The following MYCBP2 variants were observed in gnomAD, a reference collection of about 807,000 sequenced individuals.
MYCBP2 encodes E3 ubiquitin-protein ligase MYCBP2.
MYCBP2 carries 120 observed loss-of-function variants against 525.3 expected under a neutral mutation model. The ratio of observed to expected loss-of-function variants is 0.23; its 90% CI spans 0.20 to 0.27. The LOEUF (loss-of-function observed/expected upper bound fraction) is 0.27. Among genes scored for constraint, MYCBP2 ranks in the 10% least tolerant of loss-of-function variants. The pLI, the probability that MYCBP2 is intolerant of heterozygous loss-of-function variation, is 1.00. For missense variants in MYCBP2, 4,149 were observed against 5,657.1 expected (o/e 0.73, Z 8.55); for synonymous variants, 1,894 against 1,955.8 (o/e 0.97, Z 0.83).
chr13:77,257,030 A>G (rs896148966), intron 14 of MYCBP2, among the ~76,000 whole-genome samples: 2 of 152,180 alleles, frequency 1.3e-5, no homozygotes, highest in African/African-American at 4.8e-5. Flanking sequence ...GCATATAAAC[A>G]CAAGGTAGTA....
chr13:77,110,915 A>G (rs2039873), intron 55 of MYCBP2, among the ~76,000 whole-genome samples: 3,379 of 152,288 alleles, frequency 0.022, 58 homozygotes, highest in Middle Eastern at 0.075. Flanking sequence ...CCCCTAGAAC[A>G]CTTGAAATTA....
chr13:77,121,544 CT>C, intron 54 of MYCBP2, 49 bp from the exon 55 acceptor site: 1 of 1,420,664 alleles, frequency 7.0e-7, no homozygotes, highest in South Asian at 1.8e-5. Flanking sequence ...GTGCTATTCC[CT>C]ATTCATACAA....
In MYCBP2 at chr13:77,326,808, C is replaced by T. The variant is rs1266500703; in HGVS notation, c.-33G>A. 11 of 1,395,006 alleles carry T rather than the reference C, an allele frequency of 7.9e-6. No homozygotes were observed. Among genetic ancestry groups the T allele is most frequent in the Non-Finnish European group, 1.0e-5 (11 of 1,087,556 alleles). The allele number at this position is 1,395,006 out of a possible 1,614,324, so 86.4% of individuals were successfully genotyped here. Reference sequence around the variant, plus strand: ...GCCGCCGCCGCCGCCGCCGCCTCGTCCCCGCGGGCCGGGCGGGCAGACACG... The same window carrying T: ...GCCGCCGCCGCCGCCGCCGCCTCGTTCCCGCGGGCCGGGCGGGCAGACACG... On this transcript the variant is annotated 5_prime_UTR_variant, in exon 1 of 83. Transcript: ENST00000544440. This position sits in a 1 kb window ranked among gnomAD's most constrained non-coding sequence, Gnocchi z 4.2.
chr13:77,192,779 C>T (rs371706876), intron 27 of MYCBP2, among the ~76,000 whole-genome samples: 2 of 152,112 alleles, frequency 1.3e-5, no homozygotes, highest in Non-Finnish European at 2.9e-5. Context: ...AAATCCTAGA[C>T]GATTCTCTAT....
At chr13:77,311,906 T>C (rs975021719) in intron 1 of MYCBP2, among the ~76,000 whole-genome samples, 1 of 152,008 alleles carries the variant, frequency 6.6e-6, no homozygotes, top group Non-Finnish European at 1.5e-5. Context: ...TCAGTACTCT[T>C]CAAAGAGGAT....
At position 77,233,225 on chromosome 13, in the gene MYCBP2, G is replaced by A. The variant is rs1434646355; in HGVS notation, c.2668C>T (p.Arg890Ter). Residue 890 changes from arginine to a stop codon, truncating the protein, a stop_gained, in exon 18 of 83, where the codon CGA becomes TGA. Coordinates refer to ENST00000544440, the MANE Select transcript of MYCBP2 (RefSeq NM_015057.5). LOFTEE classifies it high-confidence loss of function. ...CTGAGTCTGGCTAGAGCCTGTTCTC[G>A]ATGGTTCATAAAAATAGGACCAGCA... ...VFAGPIFMNH[R>*]EQALARLRSH... 3.1e-6 allele frequency: 5 copies of A among 1,613,828 alleles called. No individual in the cohort carries two copies. Among genetic ancestry groups the A allele is most frequent in the Middle Eastern group, 1.7e-4 (1 of 6,060 alleles).
At chr13:77,123,061 A>G (rs2051032966) in intron 54 of MYCBP2, among the ~76,000 whole-genome samples, 1 of 152,204 alleles carries the variant, frequency 6.6e-6, no homozygotes, top group African/African-American at 2.4e-5. Flanking sequence ...TCAAAGACCA[A>G]TAGAGAATTT....
chr13:77,167,430 T>A (rs2058669440), intron 40 of MYCBP2, among the ~76,000 whole-genome samples: 1 of 152,086 alleles, frequency 6.6e-6, no homozygotes, highest in African/African-American at 2.4e-5. Context: ...GAGGCTCCCA[T>A]CTAACAAATA....
chr13:77,077,625 A>C (rs1246429843), intron 66 of MYCBP2: 1 of 417,580 alleles, frequency 2.4e-6, no homozygotes, highest in Non-Finnish European at 4.2e-6. Flanking sequence ...GATTTTCAGT[A>C]AATGGTGGAA....
At chr13:77,095,303 A>G in intron 58 of MYCBP2, 55 bp downstream of exon 58, 1 of 1,595,594 alleles carries the variant, frequency 6.3e-7, no homozygotes. Context: ...AGATATCAAT[A>G]AACAATCGCT....
chr13:77,126,042 T>G (rs1038597620), intron 53 of MYCBP2, among the ~76,000 whole-genome samples: 6 of 152,202 alleles, frequency 3.9e-5, no homozygotes, highest in Non-Finnish European at 7.3e-5. Flanking sequence ...TCCATGATGG[T>G]ATAGTACATT....
Position 77,087,627 on chromosome 13 carries a change from T to A in MYCBP2, c.10732A>T (p.Asn3578Tyr). 6.2e-7 allele frequency: 1 copy of A among 1,609,610 alleles called. No homozygotes were observed. Among genetic ancestry groups the A allele is most frequent in the Middle Eastern group, 1.7e-4 (1 of 6,036 alleles). Residue 3578 changes from asparagine (N) to tyrosine (Y), a missense_variant, in exon 62 of 83, where the codon AAC becomes TAC. Physicochemically the swap from Asn to Tyr is moderately radical, Grantham distance 143. Coordinates refer to ENST00000544440, the MANE Select transcript of MYCBP2 (RefSeq NM_015057.5). Reference sequence around the variant, plus strand: ...TGGATGACATTACACAGAAGCCAGTTGAAAGCCTGAAGAAATGACGGTTAA... The same window carrying A: ...TGGATGACATTACACAGAAGCCAGTAGAAAGCCTGAAGAAATGACGGTTAA... ...ACRVFAMEAF[N>Y]WLLCNVIQTT... is the part of the protein sequence containing the mutation.
intron 13 of MYCBP2, among the ~76,000 whole-genome samples, chr13:77,259,318 T>TA (rs1567077254): frequency 2.0e-5 from 3 of 152,018 alleles, no homozygotes. Context: ...AACCATTCAA[T>TA]ACCACTTCCC....
At position 77,166,599 on chromosome 13, in the gene MYCBP2, C is replaced by T. The variant is rs191703068; in HGVS notation, c.6115-45G>A. 7.9e-5 allele frequency: 100 copies of T among 1,259,294 alleles called. No homozygotes were observed. In the East Asian group the frequency reaches 1.3e-3, roughly 17 times the overall value. The allele number at this position is 1,259,294 out of a possible 1,614,324, so 78.0% of individuals were successfully genotyped here. A position where few individuals can be genotyped will look rare whatever the true frequency, so the allele number is the denominator to read the frequency against. ...TGACATGAATACAGATATATATATACACAAACATACACATCTGCATCTGTA... is the reference window on the plus strand; with the variant it reads ...TGACATGAATACAGATATATATATATACAAACATACACATCTGCATCTGTA... On this transcript the variant is annotated intron_variant, in intron 40 of 82. Coordinates refer to ENST00000544440, the MANE Select transcript of MYCBP2 (RefSeq NM_015057.5).
At chr13:77,180,351 G>A (rs1189307761) in intron 33 of MYCBP2, 33 bp from the exon 34 acceptor site, 5 of 1,589,822 alleles carry the variant, frequency 3.1e-6, no homozygotes, top group Non-Finnish European at 4.3e-6. Flanking sequence ...CTAAGGTATT[G>A]TTTTATTTTC....
chr13:77,235,351 G>A (rs1489766265), intron 17 of MYCBP2, among the ~76,000 whole-genome samples: 1 of 151,988 alleles, frequency 6.6e-6, no homozygotes, highest in Non-Finnish European at 1.5e-5. Flanking sequence ...AAAAGGAAAG[G>A]AAGAGAGGGC....
chr13:77,263,161 C>T (rs879627126), intron 10 of MYCBP2, among the ~76,000 whole-genome samples: 2 of 151,880 alleles, frequency 1.3e-5, no homozygotes, highest in African/African-American at 4.8e-5. Flanking sequence ...ATTACTGATC[C>T]GTGTGTAAGG....
At chr13:77,324,817 A>C (rs1323772034) in intron 1 of MYCBP2, among the ~76,000 whole-genome samples, 1 of 152,258 alleles carries the variant, frequency 6.6e-6, no homozygotes, top group Non-Finnish European at 1.5e-5. Context: ...TACAAGTCAA[A>C]AATTATTGCA....
intron 55 of MYCBP2, among the ~76,000 whole-genome samples, chr13:77,120,064 T>C (rs2050425186): frequency 6.6e-6 from 1 of 152,218 alleles, no homozygotes; most frequent in African/African-American, 2.4e-5. Flanking sequence ...TAGCTATTAG[T>C]ACAATGACAG....
Sources: gnomAD v4.1 joint callset for allele counts (sites outside exome capture counted in the v4.1 genomes callset) on GRCh38, gnomAD v4.1.1 for gene constraint, Gnocchi (gnomAD v3.1) non-coding constraint, MANE v1.5 for transcripts, NCBI Gene and HGNC (gene_info 2026-07-23, HGNC 2026-07-21) for gene names.